The following MARF1 variants were observed in gnomAD, a reference collection of about 807,000 sequenced individuals.
MARF1 encodes limkain-b1.
A neutral mutation model predicts 168.2 loss-of-function variants in MARF1; 24 were observed. The observed-to-expected ratio is 0.14, with a 90% CI of 0.10 to 0.20. MARF1 has a LOEUF of 0.20. Ranked by LOEUF, MARF1 falls within the 10% of genes least tolerant of loss-of-function variation. The pLI is 1.00. For synonymous variants in MARF1, 868 were observed against 822.4 expected (o/e 1.06, Z -0.95); for missense variants, 1,744 against 2,143.6 (o/e 0.81, Z 3.68).
Position 15,602,210 on chromosome 16 carries a change from A to T in MARF1, c.4414-7T>A. 2 of 1,611,902 alleles carry T rather than the reference A, an allele frequency of 1.2e-6. No homozygotes were observed. The highest frequency in any genetic ancestry group is 1.7e-5 in the Admixed American group (1 of 60,002). The stretch of plus-strand genomic sequence containing the variant: ...TCTTATCATTAGTGAAAACCTGGTT[A>T]AAAAGAAAACGCAGCATTAGAAATA... On this transcript the variant is annotated splice_region_variant and splice_polypyrimidine_tract_variant and intron_variant, in intron 22 of 26. Coordinates refer to ENST00000396368, the MANE Select transcript of MARF1 (RefSeq NM_014647.4).
Position 15,611,710 on chromosome 16 carries a change from G to A in MARF1, c.3499C>T (p.Leu1167=), listed in dbSNP as rs1285417136. Residue 1167 remains leucine (L), a synonymous_variant, in exon 18 of 27, where the codon CTG becomes TTG. Coordinates refer to ENST00000396368, the MANE Select transcript of MARF1 (RefSeq NM_014647.4). The part of the protein sequence containing the change: ...LQILGMGSKR[L]LTLTHRAQVK... ...TGGGCCCTGTGGGTAAGGGTCAGCAGACGTTTGGAGCCCATTCCAAGAATC... is the reference window on the plus strand; with the variant it reads ...TGGGCCCTGTGGGTAAGGGTCAGCAAACGTTTGGAGCCCATTCCAAGAATC... 1 of 1,613,998 alleles carries A rather than the reference G, an allele frequency of 6.2e-7. No individual in the cohort carries two copies. Among genetic ancestry groups the A allele is most frequent in the Non-Finnish European group, 8.5e-7 (1 of 1,180,008 alleles).
At chr16:15,602,388 G>A (rs955613468) in intron 22 of MARF1, 185 bp from the exon 23 acceptor site, 14 of 616,378 alleles carry the variant, frequency 2.3e-5, no homozygotes, top group East Asian at 1.4e-4. Context: ...AGAAGGAGAC[G>A]ACAAAGATAA....
In MARF1 at chr16:15,639,289, A is replaced by T; in HGVS notation, c.-56T>A. 1 of 1,555,164 alleles carries T rather than the reference A, an allele frequency of 6.4e-7. No individual in the cohort carries two copies. The highest frequency in any genetic ancestry group is 1.2e-5 in the South Asian group (1 of 84,200). On this transcript the variant is annotated splice_region_variant and 5_prime_UTR_variant, in exon 2 of 27. Coordinates refer to ENST00000396368, the MANE Select transcript of MARF1 (RefSeq NM_014647.4). ...CATCTTTCTTTTCTTTCATTCTTCC[A>T]CCCTGTTAAGAATGAGTAAGATTTC... is the stretch of plus-strand genomic sequence containing the variant.
intron 2 of MARF1, among the ~76,000 whole-genome samples, chr16:15,636,744 A>T (rs1450284154): frequency 6.6e-6 from 1 of 152,170 alleles, no homozygotes; most frequent in African/African-American, 2.4e-5. Context: ...GCTAACACAC[A>T]CAGTGGTTTG....
Position 15,610,915 on chromosome 16 carries a change from C to G in MARF1, c.3751+60G>C, listed in dbSNP as rs2033475832. 2.6e-6 allele frequency: 4 copies of G among 1,535,938 alleles called. No individual in the cohort carries two copies. In the Admixed American group the frequency reaches 6.9e-5, roughly 27 times the overall value. ...AGGGAAAACCACATCTTCCATGCCA[C>G]ACTATGTTAAAATAACAGGAGATAG... On this transcript the variant is annotated intron_variant, in intron 19 of 26. Coordinates refer to ENST00000396368, the MANE Select transcript of MARF1 (RefSeq NM_014647.4).
At chr16:15,607,767 G>A (rs565139011) in intron 21 of MARF1, among the ~76,000 whole-genome samples, 35 of 152,320 alleles carry the variant, frequency 2.3e-4, no homozygotes, top group African/African-American at 7.0e-4. Flanking sequence ...AGGACAGGAA[G>A]GGTCAAGTGC....
chr16:15,611,930 A>G (rs1234000325), intron 17 of MARF1, among the ~76,000 whole-genome samples, 196 bp from the exon 18 acceptor site: 4 of 152,214 alleles, frequency 2.6e-5, no homozygotes, highest in African/African-American at 7.2e-5. Flanking sequence ...TGAAACTCTT[A>G]TCGTTTTTGG....
chr16:15,637,029 C>G (rs1258596410), intron 2 of MARF1, among the ~76,000 whole-genome samples: 1 of 152,172 alleles, frequency 6.6e-6, no homozygotes, highest in African/African-American at 2.4e-5. Context: ...AACACAGACA[C>G]AGGAAGCCAG....
Position 15,639,219 on chromosome 16 carries a change from G to A in MARF1, c.15C>T (p.Asn5=), listed in dbSNP as rs187885447. 11 of 1,613,192 alleles carry A rather than the reference G, an allele frequency of 6.8e-6. No homozygotes were observed. Among genetic ancestry groups the A allele is most frequent in the Admixed American group, 3.3e-5 (2 of 59,722 alleles). MMEG[N]GTENSCSRTR... Reference sequence around the variant, plus strand: ...TTCTACTGCAGGAGTTCTCAGTTCCGTTTCCTTCCATCATACAGCCATGCA... The same window carrying A: ...TTCTACTGCAGGAGTTCTCAGTTCCATTTCCTTCCATCATACAGCCATGCA... Residue 5 remains asparagine (N), a synonymous_variant, in exon 2 of 27, where the codon AAC becomes AAT. Coordinates refer to ENST00000396368, the MANE Select transcript of MARF1 (RefSeq NM_014647.4).
At chr16:15,626,950 C>T (rs1466637673) in intron 7 of MARF1, among the ~76,000 whole-genome samples, 3 of 111,668 alleles carry the variant, frequency 2.7e-5, no homozygotes, top group East Asian at 2.6e-4. Flanking sequence ...GGCGACAGAG[C>T]GAGATTCTGT....
chr16:15,631,459 C>T lies in MARF1; in HGVS notation c.1273G>A (p.Ala425Thr), dbSNP rs771507424. Residue 425 changes from alanine to threonine, a missense_variant, in exon 6 of 27, where the codon GCT (alanine) becomes ACT (threonine). By Grantham distance (58) the Ala-to-Thr change is moderately conservative. Coordinates refer to ENST00000396368, the MANE Select transcript of MARF1 (RefSeq NM_014647.4). ...AGACTCTGCCGCAGTTTATCATCAG[C>T]GGCATTCTTTGCAGTAGCATTGATG... ...AHINATAKNA[A>T]DDKLRQSLRR... is the part of the protein sequence containing the mutation. 5 of 1,613,094 alleles carry T rather than the reference C, an allele frequency of 3.1e-6. No homozygotes were observed. Among genetic ancestry groups the T allele is most frequent in the Non-Finnish European group, 4.2e-6 (5 of 1,179,274 alleles).
At chr16:15,601,812 A>G in intron 23 of MARF1, 179 bp downstream of exon 23, 1 of 633,622 alleles carries the variant, frequency 1.6e-6, no homozygotes, top group Admixed American at 2.8e-5. Context: ...AAAGGTTTAC[A>G]GAAAGAATCA....
intron 11 of MARF1, among the ~76,000 whole-genome samples, 159 bp downstream of exon 11, chr16:15,622,775 T>C (rs931319515): frequency 2.0e-5 from 3 of 152,212 alleles, no homozygotes; most frequent in Non-Finnish European, 2.9e-5. Flanking sequence ...ACTGGATTTA[T>C]AGCACCACCC....
chr16:15,626,925 C>T (rs1447686966), intron 7 of MARF1, among the ~76,000 whole-genome samples: 1 of 136,996 alleles, frequency 7.3e-6, no homozygotes, highest in Non-Finnish European at 1.5e-5. Context: ...GATGGCACCA[C>T]TGTACTCCAG....
chr16:15,628,478 C>T (rs1039772576), intron 7 of MARF1, among the ~76,000 whole-genome samples: 6 of 151,218 alleles, frequency 4.0e-5, no homozygotes, highest in Non-Finnish European at 7.4e-5. Context: ...GGTGTGATCT[C>T]GGCTTACTGC....
chr16:15,617,296 C>T lies in MARF1; in HGVS notation c.2957+3G>A. On this transcript the variant is annotated splice_donor_region_variant and intron_variant, in intron 14 of 26. Coordinates refer to ENST00000396368, the MANE Select transcript of MARF1 (RefSeq NM_014647.4). ...TACTTCTAAAGGAAAACGAACGGCA[C>T]ACCTGAAATCCTTATTGGAACAATG... is the stretch of plus-strand genomic sequence containing the variant. 1.9e-6 allele frequency: 3 copies of T among 1,612,470 alleles called. No homozygotes were observed. Among genetic ancestry groups the T allele is most frequent in the Non-Finnish European group, 2.5e-6 (3 of 1,178,574 alleles).
rs889380166 is a variant in MARF1, at chr16:15,631,443, C to A, written c.1289G>T (p.Arg430Leu). The change falls in exon 6 of 27, where the codon CGG (arginine) becomes CTG (leucine). Residue 430 changes from arginine (R) to leucine (L), a missense_variant. Transcript: ENST00000396368. ...TAKNAADDKLRQSLRRFANTH... is the reference protein window; with the variant it reads ...TAKNAADDKLLQSLRRFANTH... ...ATTTGCAAATCTGCGGAGACTCTGC[C>A]GCAGTTTATCATCAGCGGCATTCTT... 9.3e-6 allele frequency: 15 copies of A among 1,613,220 alleles called. No individual in the cohort carries two copies. The highest frequency in any genetic ancestry group is 1.2e-5 in the Non-Finnish European group (14 of 1,179,412).
At chr16:15,636,944 C>G (rs1400951569) in intron 2 of MARF1, among the ~76,000 whole-genome samples, 1 of 152,030 alleles carries the variant, frequency 6.6e-6, no homozygotes, top group African/African-American at 2.4e-5. Context: ...TATATTGCAG[C>G]CAGTGAAAAG....
chr16:15,633,585 T>C (rs1428396390), intron 5 of MARF1, 32 bp downstream of exon 5: 2 of 1,407,734 alleles, frequency 1.4e-6, no homozygotes, highest in African/African-American at 1.8e-5. Flanking sequence ...TCCTCTACTG[T>C]AGATTAAAAT....
Sources: gnomAD v4.1 joint callset for allele counts (sites outside exome capture counted in the v4.1 genomes callset) on GRCh38, gnomAD v4.1.1 for gene constraint, MANE v1.5 for transcripts, NCBI Gene and HGNC (gene_info 2026-07-23, HGNC 2026-07-21) for gene names.